ATP6V1B1: variants seen among roughly 807,000 people sequenced by gnomAD.
ATP6V1B1 encodes V-type proton ATPase subunit B, kidney isoform.
ATP6V1B1 carries 41 observed loss-of-function variants against 62.1 expected under a neutral mutation model. That is an observed-to-expected ratio of 0.66 (90% CI 0.51 to 0.86). The LOEUF (loss-of-function observed/expected upper bound fraction) is 0.86. ATP6V1B1 is among the 40% of genes least tolerant of loss of function. The pLI, the probability that ATP6V1B1 is intolerant of heterozygous loss-of-function variation, is 0.00. For missense variants in ATP6V1B1, 651 were observed against 697.5 expected (o/e 0.93, Z 0.75); for synonymous variants, 253 against 273.4 (o/e 0.93, Z 0.74).
chr2:70,949,605 T>G (rs1193226324), intron 2 of ATP6V1B1, among the ~76,000 whole-genome samples: 4 of 152,212 alleles, frequency 2.6e-5, no homozygotes, highest in Non-Finnish European at 5.9e-5. Context: ...TCTCTGTAGT[T>G]TTACCTATCT....
At chr2:70,955,417 T>C (rs188556729) in intron 2 of ATP6V1B1, among the ~76,000 whole-genome samples, 12 of 152,330 alleles carry the variant, frequency 7.9e-5, no homozygotes, top group African/African-American at 2.9e-4. Context: ...AACATCATCA[T>C]AATAAAATTC....
intron 1 of ATP6V1B1, among the ~76,000 whole-genome samples, chr2:70,937,716 C>G (rs1373667669): frequency 1.3e-5 from 2 of 152,004 alleles, no homozygotes; most frequent in African/African-American, 4.8e-5. Flanking sequence ...TGATCTGCAC[C>G]TTCATGCTCT....
Position 70,943,665 on chromosome 2 carries a change from G to T in ATP6V1B1, c.126G>T (p.Arg42Ser). The T allele has an allele frequency of 6.2e-7, 1 of 1,613,918 alleles. No individual in the cohort carries two copies. The change falls in exon 2 of 14, where the codon AGG becomes AGT. Residue 42 changes from arginine to serine, a missense_variant. Physicochemically the swap from Arg to Ser is moderately radical, Grantham distance 110. Transcript: ENST00000234396. The part of the protein sequence containing the change: ...NYITHPRVTY[R>S]TVCSVNGPLV... ...CCCCCGCCCCTCCCCCAGCCTACAG[G>T]ACTGTGTGCAGCGTGAACGGGCCCC... is the stretch of plus-strand genomic sequence containing the variant.
At chr2:70,946,837 TA>T (rs782020815) in intron 2 of ATP6V1B1, among the ~76,000 whole-genome samples, 16 of 152,130 alleles carry the variant, frequency 1.1e-4, no homozygotes, top group Non-Finnish European at 2.1e-4. Context: ...TTCTCCACTG[TA>T]AAATGAGGCC....
intron 2 of ATP6V1B1, among the ~76,000 whole-genome samples, chr2:70,948,993 T>C (rs1271368141): frequency 1.3e-5 from 2 of 152,178 alleles, no homozygotes; most frequent in Non-Finnish European, 2.9e-5. Flanking sequence ...ATGATGATGA[T>C]AATCACCAGC....
rs562346402 is a variant in ATP6V1B1 at position 70,962,375 on chromosome 2, G to A, written c.786-402G>A. Among the ~76,000 whole-genome samples, 4 of 152,300 alleles carry A rather than the reference G, an allele frequency of 2.6e-5. 1 individual carries two copies. The highest frequency in any genetic ancestry group is 9.6e-5 in the African/African-American group (4 of 41,556). On this transcript the variant is annotated intron_variant, in intron 8 of 13. Transcript: ENST00000234396. ...TGAGGGTGCTCCAGCTGACCCAAGT[G>A]TGGGTGCCCTAGGATAAGACAGAGC...
At chr2:70,960,107 C>T (rs369110655) in intron 6 of ATP6V1B1, 29 bp downstream of exon 6, 14 of 1,613,480 alleles carry the variant, frequency 8.7e-6, no homozygotes, top group Non-Finnish European at 1.1e-5. Flanking sequence ...GCAGGCATGG[C>T]TGGGGGAGGG....
intron 4 of ATP6V1B1, 126 bp from the exon 5 acceptor site, chr2:70,958,892 G>T: frequency 1.1e-6 from 1 of 890,964 alleles, no homozygotes. Flanking sequence ...GTGGGCTGCC[G>T]GGGAGGGGGA....
intron 2 of ATP6V1B1, among the ~76,000 whole-genome samples, chr2:70,954,271 T>C (rs10206431): frequency 6.6e-6 from 1 of 152,230 alleles, no homozygotes; most frequent in Admixed American, 6.5e-5. Context: ...ACACATATAT[T>C]GACATACAGC....
chr2:70,943,820 G>C (rs1680075162), intron 2 of ATP6V1B1, 107 bp downstream of exon 2: 7 of 1,465,320 alleles, frequency 4.8e-6, no homozygotes, highest in Non-Finnish European at 6.6e-6. Context: ...ATGGCCCCCA[G>C]GGCCTGCTCT....
intron 1 of ATP6V1B1, chr2:70,941,482 C>T (rs1680004418): frequency 7.1e-6 from 7 of 980,468 alleles, no homozygotes; most frequent in Non-Finnish European, 7.3e-6. Flanking sequence ...CTCAAACGGC[C>T]CTTCCCATAA....
At chr2:70,945,481 G>T (rs549187046) in intron 2 of ATP6V1B1, among the ~76,000 whole-genome samples, 1 of 145,638 alleles carries the variant, frequency 6.9e-6, no homozygotes, top group African/African-American at 2.5e-5. Context: ...AGTTGGACAA[G>T]AGGATAGAGT....
At chr2:70,964,363 C>T in intron 11 of ATP6V1B1, 75 bp from the exon 12 acceptor site, 1 of 1,498,048 alleles carries the variant, frequency 6.7e-7, no homozygotes, top group Non-Finnish European at 9.3e-7. Flanking sequence ...GGAGCTTCTC[C>T]TGAGAACAAT....
chr2:70,964,226 T>C (rs1680660474), intron 11 of ATP6V1B1: 3 of 550,636 alleles, frequency 5.4e-6, no homozygotes, highest in Non-Finnish European at 9.8e-6. Context: ...TAATGCCATG[T>C]CATCTTCCCC....
rs1333809612 is a variant in ATP6V1B1 at position 70,944,078 on chromosome 2, C to T, written c.174+365C>T. The T allele has an allele frequency of 1.5e-5, 19 of 1,287,604 alleles. No individual in the cohort carries two copies. The East Asian group carries it at 2.5e-4, about 17-fold the overall frequency. The allele number at this position is 1,287,604 out of a possible 1,614,324, so 79.8% of individuals were successfully genotyped here. On this transcript the variant is annotated intron_variant, in intron 2 of 13. Coordinates refer to ENST00000234396, the MANE Select transcript of ATP6V1B1 (RefSeq NM_001692.4). ...ACAGCACGGCTGTACCTAACCTCCTCGAGGGCTAGACTCTCCCCACCCTCG... is the reference window on the plus strand; with the variant it reads ...ACAGCACGGCTGTACCTAACCTCCTTGAGGGCTAGACTCTCCCCACCCTCG...
chr2:70,955,527 G>A (rs1222619737), intron 2 of ATP6V1B1, among the ~76,000 whole-genome samples: 1 of 152,118 alleles, frequency 6.6e-6, no homozygotes, highest in African/African-American at 2.4e-5. Context: ...TCTACTTTCT[G>A]TCTTTATGGA....
In ATP6V1B1 at chr2:70,956,924, G is replaced by A. The variant is rs185208993; in HGVS notation, c.175-1122G>A. On this transcript the variant is annotated intron_variant, in intron 2 of 13. Transcript: ENST00000234396. ...TAGCCATCCTAGAGTGTGTGAAGTG[G>A]CATCTATCTCATTGTGGTTTTGATT... Among the ~76,000 whole-genome samples, 229 of 152,116 alleles carry A rather than the reference G, an allele frequency of 1.5e-3. 3 individuals are homozygous for A. The highest frequency in any genetic ancestry group is 5.4e-3 in the African/African-American group (226 of 41,488).
At chr2:70,936,102 G>C in intron 1 of ATP6V1B1, 30 bp downstream of exon 1, 1 of 1,607,074 alleles carries the variant, frequency 6.2e-7, no homozygotes, top group Non-Finnish European at 8.5e-7. Flanking sequence ...TGACGGGTGA[G>C]GTCAGGGTGG....
chr2:70,936,036 G>C lies in ATP6V1B1; in HGVS notation c.82G>C (p.Ala28Pro). Residue 28 changes from alanine to proline, a missense_variant, in exon 1 of 14, where the codon GCG becomes CCG. By Grantham distance (27) the Ala-to-Pro change is conservative (BLOSUM62 -1). Transcript: ENST00000234396. ...NLGAAREHMQ[A>P]VTRNYITHPR... is the part of the protein sequence containing the mutation. The stretch of plus-strand genomic sequence containing the variant: ...AGGTGCAGCCCGAGAACACATGCAG[G>C]CGGTCACCCGAAACTACATCACCCA... 2 of 1,614,076 alleles carry C rather than the reference G, an allele frequency of 1.2e-6. No individual in the cohort carries two copies. Among genetic ancestry groups the C allele is most frequent in the East Asian group, 2.2e-5 (1 of 44,876 alleles).
Sources: allele counts gnomAD v4.1 joint callset (sites outside exome capture counted in the v4.1 genomes callset), GRCh38; gene constraint gnomAD v4.1.1; transcripts MANE v1.5; gene names NCBI Gene and HGNC (gene_info 2026-07-23, HGNC 2026-07-21).